The following MAMLD1 variants were observed in gnomAD, a reference collection of about 807,000 sequenced individuals.
MAMLD1 encodes mastermind like domain containing 1, also known as mastermind-like domain-containing protein 1.
MAMLD1 carries 14 observed loss-of-function variants against 45.0 expected under a neutral mutation model. The ratio of observed to expected loss-of-function variants is 0.31; its 90% CI spans 0.21 to 0.49. The LOEUF is 0.49. Ranked by LOEUF, MAMLD1 falls within the 20% of genes least tolerant of loss-of-function variation. The pLI, the probability that MAMLD1 is intolerant of heterozygous loss-of-function variation, is 0.99. For missense variants in MAMLD1, 543 were observed against 603.6 expected (o/e 0.90, Z 1.05); for synonymous variants, 254 against 247.8 (o/e 1.02, Z -0.24).
chrX:150,424,174 T>C (rs1430453354), intron 1 of MAMLD1, among the ~76,000 whole-genome samples: 2 of 112,511 alleles, frequency 1.8e-5, no homozygotes, highest in African/African-American at 6.5e-5. Flanking sequence ...GAGAGACAGT[T>C]TGCCCTCAAT....
intron 4 of MAMLD1, among the ~76,000 whole-genome samples, chrX:150,471,762 G>A (rs1161567441): frequency 8.9e-6 from 1 of 112,307 alleles, no homozygotes; most frequent in Non-Finnish European, 1.9e-5. Context: ...GGTGGAAGGA[G>A]CCAGGTGGGA....
Position 150,470,698 on chromosome X carries a change from G to A in MAMLD1, c.1125G>A (p.Leu375=), listed in dbSNP as rs1557406377. The A allele has an allele frequency of 8.3e-7, 1 of 1,211,772 alleles. No homozygotes were observed. The highest frequency in any genetic ancestry group is 1.7e-5 in the African/African-American group (1 of 57,782). The part of the protein sequence containing the change: ...LMVSCMSSNT[L]SGSTLRGSPN... Reference sequence around the variant, plus strand: ...TGTCCTGCATGTCGTCCAATACCTTGTCGGGTAGCACTCTCCGAGGCTCTC... The same window carrying A: ...TGTCCTGCATGTCGTCCAATACCTTATCGGGTAGCACTCTCCGAGGCTCTC... Residue 375 remains leucine (L), a synonymous_variant, in exon 4 of 8, where the codon TTG becomes TTA. Transcript: ENST00000370401.
At position 150,395,349 on chromosome X, in the gene MAMLD1, A is replaced by AT. The variant is rs781985756; in HGVS notation, c.-64+31824dup. 3.4e-3 allele frequency among the ~76,000 whole-genome samples: 384 copies of AT among 111,496 alleles called. 3 individuals carry two copies. Among genetic ancestry groups the AT allele is most frequent in the African/African-American group, 0.012 (369 of 30,699 alleles). On this transcript the variant is annotated intron_variant, in intron 1 of 7. Coordinates refer to ENST00000370401, the MANE Select transcript of MAMLD1 (RefSeq NM_005491.5). The stretch of plus-strand genomic sequence containing the variant: ...TTGACTCATCAGTATTTCATTGAAC[A>AT]TTTTTCCATCTATGTTCATGACAGA...
intron 1 of MAMLD1, among the ~76,000 whole-genome samples, chrX:150,432,286 A>G (rs1218019695): frequency 9.0e-6 from 1 of 111,234 alleles, no homozygotes; most frequent in Non-Finnish European, 1.9e-5. Flanking sequence ...TTGCTTGTTG[A>G]TTTAAGTTCC....
intron 5 of MAMLD1, among the ~76,000 whole-genome samples, chrX:150,490,038 A>G (rs1557407880): frequency 8.9e-6 from 1 of 112,084 alleles, no homozygotes; most frequent in East Asian, 2.8e-4. Flanking sequence ...CTGCATTACT[A>G]TGCTCACCAT....
At chrX:150,408,369 A>AG (rs1557402729) in intron 1 of MAMLD1, among the ~76,000 whole-genome samples, 1 of 108,834 alleles carries the variant, frequency 9.2e-6, no homozygotes, top group Admixed American at 9.8e-5. Context: ...TTTGCTCTCC[A>AG]TTTTTTTTTC....
At chrX:150,398,348 A>G (rs939731361) in intron 1 of MAMLD1, among the ~76,000 whole-genome samples, 7 of 99,262 alleles carry the variant, frequency 7.1e-5, no homozygotes, top group Non-Finnish European at 1.2e-4. Flanking sequence ...GAAGAGGAAG[A>G]GGAAGAGGAA....
At chrX:150,411,711 C>T (rs2034128064) in intron 1 of MAMLD1, among the ~76,000 whole-genome samples, 1 of 111,328 alleles carries the variant, frequency 9.0e-6, no homozygotes, top group Non-Finnish European at 1.9e-5. Context: ...TCAAGATTTC[C>T]CTAAAAACCT....
intron 1 of MAMLD1, among the ~76,000 whole-genome samples, chrX:150,434,775 T>C (rs956022585): frequency 5.3e-5 from 6 of 112,345 alleles, no homozygotes; most frequent in South Asian, 3.7e-4. Context: ...TCCAGGAATA[T>C]GGTTGGCATG....
intron 2 of MAMLD1, among the ~76,000 whole-genome samples, chrX:150,451,940 C>A (rs782208037): frequency 2.7e-5 from 3 of 111,879 alleles, no homozygotes; most frequent in Admixed American, 1.9e-4. Context: ...GCTTCCATCA[C>A]CCTCTCAAGT....
At chrX:150,362,011 A>G (rs2031019948), upstream of MAMLD1, among the ~76,000 whole-genome samples, 2 of 112,440 alleles carry the variant, frequency 1.8e-5, no homozygotes, top group Non-Finnish European at 1.9e-5. Context: ...GGCGACGCCG[A>G]CAGCGTCCGC....
chrX:150,462,877 A>G (rs782746674), intron 3 of MAMLD1, 31 bp downstream of exon 3: 30 of 1,128,309 alleles, frequency 2.7e-5, no homozygotes, highest in African/African-American at 3.6e-5. Context: ...GCTGGGACCC[A>G]TTCACTTTAC....
Position 150,513,041 on chromosome X carries a change from G to C in MAMLD1, c.*1082G>C, listed in dbSNP as rs1557409315. 21 of 1,150,954 alleles carry C rather than the reference G, an allele frequency of 1.8e-5. No homozygotes were observed. The highest frequency in any genetic ancestry group is 5.2e-5 in the Admixed American group (2 of 38,520). The allele number at this position is 1,150,954 out of a possible 1,213,427, so 94.9% of individuals were successfully genotyped here. ...TCAAAATGCCACAGCCCAGAATTCT[G>C]GGCAAGTCACCCAGGATGCTGGGGC... On this transcript the variant is annotated 3_prime_UTR_variant, in exon 8 of 8. Coordinates refer to ENST00000370401, the MANE Select transcript of MAMLD1 (RefSeq NM_005491.5).
chrX:150,392,314 T>G (rs1180544503), intron 1 of MAMLD1, among the ~76,000 whole-genome samples: 1 of 111,732 alleles, frequency 8.9e-6, no homozygotes, highest in African/African-American at 3.3e-5. Context: ...GAAAATGGAC[T>G]GCTGGCCATC....
intron 1 of MAMLD1, among the ~76,000 whole-genome samples, chrX:150,382,173 A>C (rs782175894): frequency 9.0e-6 from 1 of 111,433 alleles, no homozygotes; most frequent in African/African-American, 3.3e-5. Context: ...TGTGAGGTTT[A>C]GGTTGATGTT....
rs974122864 is a variant in MAMLD1 at position 150,513,143 on chromosome X, G to A, written c.*1184G>A. On this transcript the variant is annotated 3_prime_UTR_variant, in exon 8 of 8. Transcript: ENST00000370401. ...TAGGAAGTGGTGTCGATCCATACCC[G>A]CAGTTGTCTCCCGTTACAATTTGAG... is the stretch of plus-strand genomic sequence containing the variant. 6.1e-5 allele frequency: 55 copies of A among 902,316 alleles called. No homozygotes were observed. In the South Asian group the frequency reaches 9.9e-4, roughly 16 times the overall value. The allele number at this position is 902,316 out of a possible 1,213,427, so 74.4% of individuals were successfully genotyped here. A position where few individuals can be genotyped will look rare whatever the true frequency, so the allele number is the denominator to read the frequency against.
chrX:150,397,381 A>G (rs2033459802), intron 1 of MAMLD1, among the ~76,000 whole-genome samples: 1 of 112,112 alleles, frequency 8.9e-6, no homozygotes, highest in Admixed American at 9.5e-5. Context: ...CCATTCATTC[A>G]TGTCTACTTT....
At chrX:150,503,135 G>T (rs1184830701) in intron 5 of MAMLD1, 139 bp from the exon 6 acceptor site, 20 of 571,856 alleles carry the variant, frequency 3.5e-5, no homozygotes, top group African/African-American at 3.3e-4. Flanking sequence ...AAAGCTGTTT[G>T]GTTTCGTTCC....
chrX:150,438,348 A>G (rs1169721839), intron 1 of MAMLD1, among the ~76,000 whole-genome samples: 1 of 112,520 alleles, frequency 8.9e-6, no homozygotes, highest in Non-Finnish European at 1.9e-5. Context: ...CATTCTTACC[A>G]GCATTTGGTG....
Sources: allele counts gnomAD v4.1 joint callset (sites outside exome capture counted in the v4.1 genomes callset), GRCh38; gene constraint gnomAD v4.1.1; transcripts MANE v1.5; gene names NCBI Gene and HGNC (gene_info 2026-07-23, HGNC 2026-07-21).